Variants in OPCML observed in about 807,000 individuals in gnomAD.
OPCML encodes opioid binding protein/cell adhesion molecule like, also known as opioid-binding protein/cell adhesion molecule.
A neutral mutation model predicts 37.8 loss-of-function variants in OPCML; 13 were observed. The ratio of observed to expected loss-of-function variants is 0.34; its 90% confidence interval spans 0.22 to 0.55. The LOEUF (loss-of-function observed/expected upper bound fraction) is 0.55. Ranked by LOEUF, OPCML falls within the 20% of genes least tolerant of loss-of-function variation. The pLI, the probability that OPCML is intolerant of heterozygous loss-of-function variation, is 0.91. For missense variants in OPCML, 341 were observed against 435.6 expected, an observed-to-expected ratio of 0.78 and a Z score of 1.93; for synonymous variants, 176 against 168.8, an observed-to-expected ratio of 1.04 and a Z score of -0.33.
In OPCML at chr11:133,335,220, G is replaced by A. The variant is rs573881346; in HGVS notation, c.61+197044C>T. On this transcript the variant is annotated intron_variant, in intron 1 of 7. Transcript: ENST00000524381. ...ATCTTTCATGATGGGCAAGGCTGCCGTTCTTACTCTTCATTTTATAATAAA... is the reference window on the plus strand; with the variant it reads ...ATCTTTCATGATGGGCAAGGCTGCCATTCTTACTCTTCATTTTATAATAAA... 1.3e-4 allele frequency among the ~76,000 whole-genome samples: 20 copies of A among 152,232 alleles called. No homozygotes were observed. The East Asian group carries it at 1.7e-3, about 13-fold the overall frequency.
At chr11:132,574,728 G>A (rs922130032) in intron 3 of OPCML, among the ~76,000 whole-genome samples, 3 of 151,920 alleles carry the variant, frequency 2.0e-5, no homozygotes, top group Admixed American at 6.6e-5. Context: ...GGATGAACAC[G>A]TATCTACTGT....
intron 4 of OPCML, among the ~76,000 whole-genome samples, chr11:132,523,682 C>G (rs1013960828): frequency 6.6e-6 from 1 of 152,194 alleles, no homozygotes; most frequent in East Asian, 1.9e-4. Flanking sequence ...CCTAGTTATC[C>G]CAGTCCCCAA....
chr11:133,328,861 G>C (rs542740870), intron 1 of OPCML, among the ~76,000 whole-genome samples: 1 of 152,182 alleles, frequency 6.6e-6, no homozygotes, highest in East Asian at 1.9e-4. Flanking sequence ...GGAAATAAAG[G>C]GTATTCAATT....
At chr11:133,172,365 A>C (rs896994912) in intron 1 of OPCML, among the ~76,000 whole-genome samples, 1 of 152,218 alleles carries the variant, frequency 6.6e-6, no homozygotes, top group African/African-American at 2.4e-5. Context: ...CTGTCAGAGA[A>C]GCATGAAGGG....
At chr11:132,950,798 A>T (rs1241025498) in intron 1 of OPCML, among the ~76,000 whole-genome samples, 1 of 152,114 alleles carries the variant, frequency 6.6e-6, no homozygotes, top group African/African-American at 2.4e-5. Context: ...CACTCCATTT[A>T]GTTGTCTCTT....
At chr11:132,484,314 A>T (rs2096191891) in intron 4 of OPCML, among the ~76,000 whole-genome samples, 2 of 152,228 alleles carry the variant, frequency 1.3e-5, no homozygotes, top group South Asian at 2.1e-4. Flanking sequence ...AACACATGAA[A>T]AAATGCTCAC....
chr11:132,625,277 C>T (rs943189706), intron 3 of OPCML, among the ~76,000 whole-genome samples: 1 of 152,080 alleles, frequency 6.6e-6, no homozygotes, highest in South Asian at 2.1e-4. Flanking sequence ...GTTACATGAA[C>T]AGGGACCAGA....
intron 1 of OPCML, among the ~76,000 whole-genome samples, chr11:133,244,086 G>C (rs1346142998): frequency 6.6e-6 from 1 of 152,232 alleles, no homozygotes; most frequent in African/African-American, 2.4e-5. Flanking sequence ...CAAGTGCAGA[G>C]AGCAGGAAAT....
In OPCML at chr11:133,244,165, G is replaced by C. The variant is rs924090062; in HGVS notation, c.61+288099C>G. ...CATGGGGGTGAGGACACAGGCTTTG[G>C]CATCAGACTATCCGGCTTGGAATGC... On this transcript the variant is annotated intron_variant, in intron 1 of 7. Coordinates refer to ENST00000524381, the MANE Select transcript of OPCML (RefSeq NM_001012393.5). Among the ~76,000 whole-genome samples, 3 of 152,210 alleles carry C rather than the reference G, an allele frequency of 2.0e-5. No individual in the cohort carries two copies. In the East Asian group the frequency reaches 5.8e-4, roughly 29 times the overall value.
At chr11:132,675,638 T>C (rs1300358535) in intron 2 of OPCML, among the ~76,000 whole-genome samples, 1 of 152,172 alleles carries the variant, frequency 6.6e-6, no homozygotes. Flanking sequence ...TGTGTTTCTA[T>C]ACATTAGCAA....
At chr11:132,616,320 TAGC>T (rs1939013340) in intron 3 of OPCML, among the ~76,000 whole-genome samples, 2 of 152,220 alleles carry the variant, frequency 1.3e-5, no homozygotes, top group Non-Finnish European at 1.5e-5. Flanking sequence ...GTAAAATGTA[TAGC>T]TGGCACTATT....
At chr11:133,481,633 T>G (rs192047704) in intron 1 of OPCML, among the ~76,000 whole-genome samples, 372 of 152,266 alleles carry the variant, frequency 2.4e-3, no homozygotes, top group Non-Finnish European at 2.8e-3. Context: ...TTTATTCCAC[T>G]ATGAAAAATA....
intron 1 of OPCML, among the ~76,000 whole-genome samples, chr11:133,390,209 G>A (rs61912396): frequency 7.2e-5 from 11 of 152,242 alleles, no homozygotes; most frequent in South Asian, 2.1e-4. Context: ...CTGTAATCCC[G>A]GCACTTTTGG....
chr11:133,378,299 G>A (rs1204213459), intron 1 of OPCML, among the ~76,000 whole-genome samples: 2 of 152,066 alleles, frequency 1.3e-5, no homozygotes, highest in African/African-American at 2.4e-5. Context: ...CATTTTGTAT[G>A]GCCTTTGAGG....
chr11:133,473,860 G>C (rs1947173772), intron 1 of OPCML, among the ~76,000 whole-genome samples: 2 of 152,164 alleles, frequency 1.3e-5, no homozygotes, highest in South Asian at 4.1e-4. Context: ...AGGAAATGTT[G>C]TACACACTTA....
At chr11:133,231,831 A>G (rs2136388710) in intron 1 of OPCML, among the ~76,000 whole-genome samples, 1 of 152,294 alleles carries the variant, frequency 6.6e-6, no homozygotes, top group South Asian at 2.1e-4. Context: ...ATGAGCTCTT[A>G]TTGTCAAAGG....
At chr11:132,692,645 G>A (rs986043966) in intron 2 of OPCML, among the ~76,000 whole-genome samples, 6 of 152,120 alleles carry the variant, frequency 3.9e-5, no homozygotes, top group Non-Finnish European at 8.8e-5. Flanking sequence ...TTGAGCTTCC[G>A]GAGGCAGGAA....
At chr11:133,273,243 G>T (rs1282420211) in intron 1 of OPCML, among the ~76,000 whole-genome samples, 1 of 152,132 alleles carries the variant, frequency 6.6e-6, no homozygotes, top group African/African-American at 2.4e-5. Flanking sequence ...GATGGGGAGG[G>T]GTTATGAGGG....
Position 133,401,242 on chromosome 11 carries a change from G to A in OPCML, c.61+131022C>T, listed in dbSNP as rs375465960. Among the ~76,000 whole-genome samples the A allele has an allele frequency of 1.1e-4, 16 of 152,174 alleles. No homozygotes were observed. In the South Asian group the frequency reaches 1.5e-3, roughly 14 times the overall value. ...GTGAAATATACAGAGTTCCAAGAAAGTAAGATAAGAATCAAATATCCAATT... is the reference window on the plus strand; with the variant it reads ...GTGAAATATACAGAGTTCCAAGAAAATAAGATAAGAATCAAATATCCAATT... On this transcript the variant is annotated intron_variant, in intron 1 of 7. Transcript: ENST00000524381.
Sources: allele counts gnomAD v4.1 joint callset (sites outside exome capture counted in the v4.1 genomes callset), GRCh38; gene constraint gnomAD v4.1.1; transcripts MANE v1.5; gene names NCBI Gene and HGNC (gene_info 2026-07-23, HGNC 2026-07-21).